IQSEC1: variants seen among roughly 807,000 people sequenced by gnomAD.
IQSEC1 encodes the protein IQ motif and Sec7 domain ArfGEF 1.
In IQSEC1, 31 loss-of-function variants were observed where a neutral mutation model predicts 91.0. That is an observed-to-expected ratio of 0.34 (90% CI 0.26 to 0.46). The LOEUF is 0.46. IQSEC1 is among the 20% of genes least tolerant of loss of function. The pLI, the probability that IQSEC1 is intolerant of heterozygous loss-of-function variation, is 1.00. For synonymous variants in IQSEC1, 699 were observed against 662.6 expected (o/e 1.05, Z -0.84); for missense variants, 1,388 against 1,575.6 (o/e 0.88, Z 2.02).
At position 13,127,204 on chromosome 3, in the gene IQSEC1, G is replaced by C. The variant is rs149559058; in HGVS notation, c.302+36900C>G. On this transcript the variant is annotated intron_variant, in intron 2 of 15. Transcript: ENST00000648114. The stretch of plus-strand genomic sequence containing the variant: ...GAGGCAGGTGGATCACCTGAGGTCT[G>C]GAGTTCGAGACCAGCCTGGCCAACA... 6.0e-3 allele frequency among the ~76,000 whole-genome samples: 912 copies of C among 152,218 alleles called. 3 individuals carry two copies. Among genetic ancestry groups the C allele is most frequent in the Non-Finnish European group, 9.6e-3 (656 of 68,012 alleles).
At chr3:13,088,638 G>C (rs1705782387) in intron 2 of IQSEC1, among the ~76,000 whole-genome samples, 2 of 152,008 alleles carry the variant, frequency 1.3e-5, no homozygotes, top group South Asian at 2.1e-4. Flanking sequence ...TACCCTCCCG[G>C]GGACCCCACC....
intron 6 of IQSEC1, among the ~76,000 whole-genome samples, chr3:12,919,770 T>G (rs1185849225): frequency 6.6e-6 from 1 of 152,188 alleles, no homozygotes; most frequent in Non-Finnish European, 1.5e-5. Flanking sequence ...CCGGGGACCC[T>G]GGGGCACACA....
At chr3:13,126,984 G>A (rs1381483571) in intron 2 of IQSEC1, among the ~76,000 whole-genome samples, 1 of 152,116 alleles carries the variant, frequency 6.6e-6, no homozygotes, top group Non-Finnish European at 1.5e-5. Context: ...TTTTATATAA[G>A]GTATGAGGTT....
At chr3:12,903,286 T>G (rs1328973653) in intron 12 of IQSEC1, among the ~76,000 whole-genome samples, 36 of 151,982 alleles carry the variant, frequency 2.4e-4, no homozygotes, top group Admixed American at 2.2e-3. Flanking sequence ...TATGTGTATA[T>G]CCGCACACAC....
rs1559244957 is a variant in IQSEC1, at chr3:13,064,632, C to T, written c.23+8360G>A. ...ATGGTGGCAGCTCTTGGCTGAGCTC[C>T]GAACATATCAGAGTCTGATCTTCCC... is the stretch of plus-strand genomic sequence containing the variant. On this transcript the variant is annotated intron_variant, in intron 1 of 13. Coordinates refer to ENST00000613206, the MANE Select transcript of IQSEC1 (RefSeq NM_001134382.3). Among the ~76,000 whole-genome samples the T allele has an allele frequency of 2.6e-5, 4 of 152,178 alleles. No individual in the cohort carries two copies. The South Asian group carries it at 6.2e-4, about 24-fold the overall frequency.
chr3:13,032,399 G>A (rs562872120), intron 1 of IQSEC1, among the ~76,000 whole-genome samples: 1 of 152,352 alleles, frequency 6.6e-6, no homozygotes, highest in Non-Finnish European at 1.5e-5. Context: ...GCACGGGGAA[G>A]GCTGTGCTGC....
chr3:13,043,341 C>G (rs886482354), intron 1 of IQSEC1, among the ~76,000 whole-genome samples: 1 of 152,186 alleles, frequency 6.6e-6, no homozygotes, highest in African/African-American at 2.4e-5. Flanking sequence ...GTCCCGGCGT[C>G]TGCTCCAACC....
At chr3:13,100,893 T>C (rs1706046173) in intron 2 of IQSEC1, among the ~76,000 whole-genome samples, 1 of 148,580 alleles carries the variant, frequency 6.7e-6, no homozygotes, top group Admixed American at 6.6e-5. Flanking sequence ...CAGCCAGTGC[T>C]GTGAAGATGA....
intron 1 of IQSEC1, among the ~76,000 whole-genome samples, chr3:13,277,106 TAAAAAAAAAAAAAAA>T (rs4034193): frequency 1.4e-4 from 5 of 35,974 alleles, no homozygotes; most frequent in Non-Finnish European, 1.8e-4. Context: ...TGCTCCTCCT[TAAAAAAAAAAAAAAA>T]AAAAAAAAAA....
chr3:13,175,731 A>G (rs1187928348), intron 1 of IQSEC1, among the ~76,000 whole-genome samples: 1 of 152,232 alleles, frequency 6.6e-6, no homozygotes, highest in African/African-American at 2.4e-5. Context: ...GCTCCCCTAG[A>G]TTCGGGATCT....
Position 13,147,061 on chromosome 3 carries a change from T to C in IQSEC1, c.302+17043A>G, listed in dbSNP as rs1320908338. ...TCCTCATCTGTAGCTGGGAGTATGG[T>C]ACCTCCCTCTGCAGGTTGGAAGGTA... On this transcript the variant is annotated intron_variant, in intron 2 of 15. Coordinates refer to the IQSEC1 transcript ENST00000648114. Among the ~76,000 whole-genome samples the C allele has an allele frequency of 2.6e-5, 4 of 152,216 alleles. No individual in the cohort carries two copies. In the East Asian group the frequency reaches 7.7e-4, roughly 29 times the overall value.
In IQSEC1 at chr3:13,259,377, C is replaced by T. The variant is rs920462892; in HGVS notation, c.272+23334G>A. Among the ~76,000 whole-genome samples the T allele has an allele frequency of 6.6e-6, 1 of 152,208 alleles. No individual in the cohort carries two copies. The highest frequency in any genetic ancestry group is 1.5e-5 in the Non-Finnish European group (1 of 68,028). The stretch of plus-strand genomic sequence containing the variant: ...CCGAGGTCACCAAGCCTGTGAGCAG[C>T]GTCAGGGGAACTGACTGCTGGCCTG... On this transcript the variant is annotated intron_variant, in intron 1 of 15. Transcript: ENST00000648114. The surrounding 1 kb of genome is among the most constrained non-coding windows in gnomAD (Gnocchi z 4.6).
At chr3:12,954,594 CA>C (rs1699779864) in intron 1 of IQSEC1, among the ~76,000 whole-genome samples, 1 of 152,256 alleles carries the variant, frequency 6.6e-6, no homozygotes, top group African/African-American at 2.4e-5. Context: ...TAGGTTTCCT[CA>C]CAGCATGGCT....
At chr3:13,161,433 C>G (rs1483403664) in intron 2 of IQSEC1, among the ~76,000 whole-genome samples, 3 of 152,200 alleles carry the variant, frequency 2.0e-5, no homozygotes, top group African/African-American at 7.2e-5. Flanking sequence ...CGCACGGACA[C>G]TGCTCTGGAA....
chr3:13,091,671 C>G (rs1311280400), intron 2 of IQSEC1, among the ~76,000 whole-genome samples: 1 of 152,228 alleles, frequency 6.6e-6, no homozygotes, highest in Non-Finnish European at 1.5e-5. Context: ...CAGCCTTGCC[C>G]CCGCTGACCT....
intron 1 of IQSEC1, among the ~76,000 whole-genome samples, chr3:13,024,476 T>C (rs199965883): frequency 1.5e-5 from 2 of 133,908 alleles, no homozygotes. Flanking sequence ...CATCCACCCA[T>C]CCATCCATCT....
intron 1 of IQSEC1, among the ~76,000 whole-genome samples, chr3:13,034,507 G>T (rs1016252046): frequency 6.6e-6 from 1 of 152,208 alleles, no homozygotes; most frequent in Non-Finnish European, 1.5e-5. Context: ...GGCAGCCGGG[G>T]AGGAGGAGAG....
intron 2 of IQSEC1, among the ~76,000 whole-genome samples, chr3:13,160,245 C>T (rs1338306035): frequency 6.6e-6 from 1 of 152,080 alleles, no homozygotes; most frequent in African/African-American, 2.4e-5. Context: ...GTCTAAAGAA[C>T]AAGAATCTCA....
At chr3:13,105,496 G>T (rs796282236) in intron 2 of IQSEC1, among the ~76,000 whole-genome samples, 7 of 152,222 alleles carry the variant, frequency 4.6e-5, no homozygotes, top group African/African-American at 1.7e-4. Flanking sequence ...GAAAAATCAG[G>T]GGCATGGTGA....
Sources: allele counts gnomAD v4.1 joint callset (sites outside exome capture counted in the v4.1 genomes callset), GRCh38; gene constraint gnomAD v4.1.1; non-coding constraint Gnocchi (gnomAD v3.1); transcripts MANE v1.5; gene names NCBI Gene and HGNC (gene_info 2026-07-23, HGNC 2026-07-21).